AFAP1L2: variants seen among roughly 807,000 people sequenced by gnomAD.
The protein encoded by AFAP1L2 is actin filament associated protein 1 like 2, also known as actin filament-associated protein 1-like 2.
AFAP1L2 carries 46 observed loss-of-function variants against 99.3 expected under a neutral mutation model. That is an observed-to-expected ratio of 0.46 (90% CI 0.37 to 0.59). The LOEUF (loss-of-function observed/expected upper bound fraction) is 0.59, where lower values mean the gene tolerates loss of function less well. Among genes scored for constraint, AFAP1L2 ranks in the 20% least tolerant of loss-of-function variants. The pLI is 0.00. For synonymous variants in AFAP1L2, 397 were observed against 419.1 expected, an observed-to-expected ratio of 0.95 and a Z score of 0.64; for missense variants, 959 against 1,034.9, an observed-to-expected ratio of 0.93 and a Z score of 1.01.
chr10:114,350,222 G>A (rs1223368983), intron 1 of AFAP1L2, among the ~76,000 whole-genome samples: 1 of 152,140 alleles, frequency 6.6e-6, no homozygotes, highest in East Asian at 1.9e-4. Context: ...AAAGACCTCA[G>A]TCCTACCAAG....
Position 114,352,479 on chromosome 10 carries a change from T to TAAAAAAAAAAAAAAAAAA in AFAP1L2, c.17-11766_17-11749dup, listed in dbSNP as rs766929781. 6.9e-4 allele frequency among the ~76,000 whole-genome samples: 49 copies of TAAAAAAAAAAAAAAAAAA among 71,386 alleles called. 5 individuals carry two copies. The highest frequency in any genetic ancestry group is 2.4e-3 in the African/African-American group (44 of 18,220). 46.8% of individuals were successfully genotyped at this position (71,386 alleles called of 152,430 possible). On this transcript the variant is annotated intron_variant, in intron 1 of 18. Transcript: ENST00000304129. ...ACAGAGCAAGACTCTGTCTCCAAAT[T>TAAAAAAAAAAAAAAAAAA]AAAAAAAAAAAAAAAAAAAAGCAAC...
At chr10:114,343,377 G>A (rs564322168) in intron 1 of AFAP1L2, among the ~76,000 whole-genome samples, 1 of 152,236 alleles carries the variant, frequency 6.6e-6, no homozygotes, top group South Asian at 2.1e-4. Context: ...CTCCCCGTCT[G>A]CATGGGCAGC....
At position 114,309,734 on chromosome 10, in the gene AFAP1L2, C is replaced by T. The variant is rs114024427; in HGVS notation, c.882+620G>A. Among the ~76,000 whole-genome samples the T allele has an allele frequency of 1.7e-3, 265 of 152,308 alleles. 2 individuals are homozygous for T. Among genetic ancestry groups the T allele is most frequent in the African/African-American group, 6.2e-3 (257 of 41,572 alleles). On this transcript the variant is annotated intron_variant, in intron 8 of 18. Coordinates refer to ENST00000304129, the MANE Select transcript of AFAP1L2 (RefSeq NM_001001936.3). ...TGAGGAATAAGGGGAAAGGAAGTGC[C>T]TCATAAAATCAATCTCCCTACTTAA...
chr10:114,350,657 C>A lies in AFAP1L2; in HGVS notation c.17-9926G>T, dbSNP rs1301165091. Among the ~76,000 whole-genome samples the A allele has an allele frequency of 4.6e-5, 7 of 152,300 alleles. No individual in the cohort carries two copies. In the East Asian group the frequency reaches 9.6e-4, roughly 21 times the overall value. On this transcript the variant is annotated intron_variant, in intron 1 of 18. Transcript: ENST00000304129. ...ACGAGCCACCAGAGGCAGCCCCTGG[C>A]AGCTGATGGGCTGGAAGGACAGGAG...
the AFAP1L2 span, chr10:114,286,205 A>G: frequency 6.2e-7 from 1 of 1,613,954 alleles, no homozygotes; most frequent in South Asian, 1.1e-5. Context: ...CCCCACCCTG[A>G]CGGGCAGTGC....
intron 1 of AFAP1L2, among the ~76,000 whole-genome samples, chr10:114,385,276 G>A (rs2056351156): frequency 6.6e-6 from 1 of 152,124 alleles, no homozygotes; most frequent in South Asian, 2.1e-4. Context: ...TCAGGCCAGG[G>A]ATCTCTTCAG....
upstream of AFAP1L2, among the ~76,000 whole-genome samples, chr10:114,405,050 T>C (rs2058587006): frequency 6.6e-6 from 1 of 152,186 alleles, no homozygotes; most frequent in African/African-American, 2.4e-5. Flanking sequence ...CCGGGTTCTT[T>C]GGGGATTGCT....
At chr10:114,282,370 G>A in the AFAP1L2 span, 1 of 667,108 alleles carries the variant, frequency 1.5e-6, no homozygotes, top group African/African-American at 1.8e-5. Context: ...AAAAGTTAGG[G>A]TAGAATCAAG....
intron 2 of AFAP1L2, among the ~76,000 whole-genome samples, chr10:114,337,330 A>C (rs2048129159): frequency 6.6e-6 from 1 of 152,238 alleles, no homozygotes; most frequent in Admixed American, 6.5e-5. Flanking sequence ...CATCCATGTC[A>C]TTTACTGCAT....
intron 1 of AFAP1L2, among the ~76,000 whole-genome samples, chr10:114,397,240 C>T (rs376830906): frequency 2.6e-5 from 4 of 152,208 alleles, no homozygotes; most frequent in South Asian, 2.1e-4. Flanking sequence ...ATTTCCCTCA[C>T]GCCCTTTGTG....
intron 4 of AFAP1L2, among the ~76,000 whole-genome samples, chr10:114,324,411 C>G (rs1395550507): frequency 4.1e-5 from 5 of 123,306 alleles, no homozygotes; most frequent in African/African-American, 1.2e-4. Context: ...CCCCCCCCCC[C>G]CGGCTAATTT....
chr10:114,308,369 T>G, intron 9 of AFAP1L2, 64 bp downstream of exon 9: 1 of 1,454,290 alleles, frequency 6.9e-7, no homozygotes, highest in Non-Finnish European at 9.6e-7. Flanking sequence ...CCCATCAGGG[T>G]TGAGCCTGAC....
chr10:114,315,734 C>G lies in AFAP1L2; in HGVS notation c.438G>C (p.Glu146Asp), dbSNP rs1179427975. 6.2e-7 allele frequency: 1 copy of G among 1,612,992 alleles called. No homozygotes were observed. Among genetic ancestry groups the G allele is most frequent in the Non-Finnish European group, 8.5e-7 (1 of 1,179,884 alleles). Residue 146 changes from glutamate (E) to aspartate (D), a missense_variant, in exon 6 of 19, where the codon GAG becomes GAC. By Grantham distance (45) the Glu-to-Asp change is conservative (BLOSUM62 2). This residue lies in a region of AFAP1L2 where 383 missense variants were observed against 472.8 expected (regional missense o/e 0.81). Transcript: ENST00000304129. The part of the protein sequence containing the change: ...EDGEAVSSSY[E>D]SYDEEDGSKG... The stretch of plus-strand genomic sequence containing the variant: ...TGCTGCCGTCCTCTTCATCGTAGGA[C>G]TCGTAGGAGCTGCTCACAGCCTCTC...
At chr10:114,289,035 C>G in the AFAP1L2 span, 1 of 1,614,098 alleles carries the variant, frequency 6.2e-7, no homozygotes, top group African/African-American at 1.3e-5. Flanking sequence ...TTGTGAGAAG[C>G]TGTGCCCTCC....
the AFAP1L2 span, chr10:114,281,761 C>T: frequency 3.0e-6 from 3 of 985,220 alleles, 1 homozygote; most frequent in South Asian, 1.4e-4. Flanking sequence ...GCTCTTCTCT[C>T]CCCATCGAAG....
intron 16 of AFAP1L2, 145 bp from the exon 17 acceptor site, chr10:114,297,558 G>A (rs935829317): frequency 5.2e-5 from 45 of 866,600 alleles, no homozygotes; most frequent in Non-Finnish European, 6.8e-5. Flanking sequence ...GGAGGGGCCT[G>A]TATGCCGGGG....
At chr10:114,302,547 C>T in intron 11 of AFAP1L2, 63 bp from the exon 12 acceptor site, 1 of 1,599,642 alleles carries the variant, frequency 6.3e-7, no homozygotes, top group Non-Finnish European at 8.5e-7. Context: ...CCAGCCCCTC[C>T]CCACCAGGCC....
At chr10:114,404,351 G>A (rs2058522982) in intron 1 of AFAP1L2, 89 bp downstream of exon 1, 3 of 1,403,234 alleles carry the variant, frequency 2.1e-6, no homozygotes, top group African/African-American at 1.4e-5. Flanking sequence ...CTTATCCCGA[G>A]TCCTGGCAAG....
rs2040002967 is a variant in AFAP1L2 at position 114,295,133 on chromosome 10, A to G, written c.*909T>C. On this transcript the variant is annotated 3_prime_UTR_variant, in exon 19 of 19. Transcript: ENST00000304129. ...CAAAAATCACCACTTTGTTCTTGGA[A>G]GGAGAATGAACATTAAACAGAACTT... 3.0e-6 allele frequency: 3 copies of G among 985,712 alleles called. No homozygotes were observed. The highest frequency in any genetic ancestry group is 3.6e-6 in the Non-Finnish European group (3 of 829,928). 61.1% of individuals were successfully genotyped at this position (985,712 alleles called of 1,614,324 possible).
Sources: gnomAD v4.1 joint callset for allele counts (sites outside exome capture counted in the v4.1 genomes callset) on GRCh38, gnomAD v4.1.1 for gene constraint, gnomAD v4.1.1 regional missense constraint, MANE v1.5 for transcripts, NCBI Gene and HGNC (gene_info 2026-07-23, HGNC 2026-07-21) for gene names.